TCF12: variants seen among roughly 807,000 people sequenced by gnomAD.
TCF12 encodes the protein DNA-binding protein HTF4.
In TCF12, 45 loss-of-function variants were observed where a neutral mutation model predicts 86.0. The observed-to-expected ratio is 0.52, with a 90% CI of 0.41 to 0.67. TCF12 has a LOEUF of 0.67. Among genes scored for constraint, TCF12 ranks in the 30% least tolerant of loss-of-function variants. TCF12 has a pLI of 0.00. For synonymous variants in TCF12, 330 were observed against 299.6 expected, an observed-to-expected ratio of 1.10 and a Z score of -1.05; for missense variants, 881 against 859.9, an observed-to-expected ratio of 1.02 and a Z score of -0.31.
intron 3 of TCF12, among the ~76,000 whole-genome samples, chr15:56,953,831 T>G (rs571758747): frequency 3.7e-3 from 279 of 75,318 alleles, no homozygotes; most frequent in African/African-American, 8.8e-3. Flanking sequence ...AGTTTATCAG[T>G]TTTTTTTTTT....
In TCF12 at chr15:57,044,502, G is replaced by A. The variant is rs936258487; in HGVS notation, c.149-19248G>A. 5.3e-5 allele frequency among the ~76,000 whole-genome samples: 8 copies of A among 152,200 alleles called. No individual in the cohort carries two copies. The East Asian group carries it at 5.8e-4, about 11-fold the overall frequency. ...TTTGTTTGTTAGAGAAATTTACAGG[G>A]CATATATTCTACCTGTTGAATGAAT... On this transcript the variant is annotated intron_variant, in intron 3 of 20. Coordinates refer to ENST00000333725, the MANE Select transcript of TCF12 (RefSeq NM_207037.2).
At chr15:57,232,078 C>T (rs781383305) in intron 9 of TCF12, among the ~76,000 whole-genome samples, 3 of 152,136 alleles carry the variant, frequency 2.0e-5, no homozygotes, top group Non-Finnish European at 4.4e-5. Flanking sequence ...CTGCCTATTA[C>T]AGCTTAGATT....
intron 6 of TCF12, among the ~76,000 whole-genome samples, chr15:57,181,214 C>A (rs1401875820): frequency 6.6e-6 from 1 of 151,972 alleles, no homozygotes; most frequent in African/African-American, 2.4e-5. Flanking sequence ...AAACCCAGTT[C>A]CGACAAAGTA....
chr15:57,150,620 A>G (rs1398856596), intron 5 of TCF12, among the ~76,000 whole-genome samples: 2 of 152,210 alleles, frequency 1.3e-5, no homozygotes, highest in African/African-American at 4.8e-5. Context: ...AATTACTAGC[A>G]TGAAAAGAAC....
intron 9 of TCF12, among the ~76,000 whole-genome samples, chr15:57,232,017 TACTATCTTCCTTGATATGA>T (rs2059160066): frequency 6.6e-6 from 1 of 152,234 alleles, no homozygotes; most frequent in Non-Finnish European, 1.5e-5. Context: ...TTGGAATTTT[TACTATCTTCCTTGATATGA>T]ATTGAGATCT....
At chr15:57,273,337 T>G in intron 19 of TCF12, 75 bp downstream of exon 19, 2 of 1,462,876 alleles carry the variant, frequency 1.4e-6, no homozygotes, top group South Asian at 2.4e-5. Flanking sequence ...GTTGCTCTTC[T>G]GCTTGGAGAA....
chr15:56,961,860 G>T (rs2140576634), intron 3 of TCF12, among the ~76,000 whole-genome samples: 1 of 152,150 alleles, frequency 6.6e-6, no homozygotes, highest in African/African-American at 2.4e-5. Context: ...TATGTTTAAT[G>T]GGCCGGGCGC....
intron 4 of TCF12, among the ~76,000 whole-genome samples, chr15:57,066,687 T>C (rs556265511): frequency 6.6e-6 from 1 of 152,318 alleles, no homozygotes; most frequent in South Asian, 2.1e-4. Context: ...AAACTTAACA[T>C]GAATTGAACT....
intron 3 of TCF12, among the ~76,000 whole-genome samples, chr15:56,943,232 A>AC (rs2060856614): frequency 6.6e-6 from 1 of 152,206 alleles, no homozygotes; most frequent in Non-Finnish European, 1.5e-5. Flanking sequence ...TATGTGAAGG[A>AC]CATTATTGAG....
At chr15:57,002,279 C>T (rs904820728) in intron 3 of TCF12, among the ~76,000 whole-genome samples, 4 of 152,166 alleles carry the variant, frequency 2.6e-5, no homozygotes, top group Admixed American at 2.0e-4. Context: ...ACAAACACTT[C>T]TTGCACATCT....
At chr15:57,096,815 TA>T (rs1303001204) in intron 5 of TCF12, among the ~76,000 whole-genome samples, 1 of 152,224 alleles carries the variant, frequency 6.6e-6, no homozygotes, top group African/African-American at 2.4e-5. Flanking sequence ...TAACTTATTT[TA>T]GGCATGTTAA....
intron 3 of TCF12, among the ~76,000 whole-genome samples, chr15:57,043,506 A>G (rs879129784): frequency 6.6e-6 from 1 of 152,134 alleles, no homozygotes; most frequent in East Asian, 1.9e-4. Context: ...GAGGATATGT[A>G]TCAGTCTCAC....
intron 3 of TCF12, among the ~76,000 whole-genome samples, chr15:56,932,342 C>T (rs1163781647): frequency 2.0e-5 from 3 of 152,260 alleles, no homozygotes; most frequent in Middle Eastern, 3.4e-3. Flanking sequence ...TATTGCCCCT[C>T]AGAAGTAGCA....
intron 8 of TCF12, among the ~76,000 whole-genome samples, chr15:57,223,326 C>T (rs2058689131): frequency 6.6e-6 from 1 of 151,872 alleles, no homozygotes; most frequent in African/African-American, 2.4e-5. Flanking sequence ...TCCTGACTAC[C>T]CATTTACATT....
At chr15:56,958,740 C>T (rs545299696) in intron 3 of TCF12, among the ~76,000 whole-genome samples, 14 of 149,578 alleles carry the variant, frequency 9.4e-5, no homozygotes, top group South Asian at 2.1e-4. Flanking sequence ...TGACAGGCAT[C>T]GTGGCTCATG....
intron 8 of TCF12, among the ~76,000 whole-genome samples, chr15:57,216,636 A>AT (rs1214471604): frequency 1.3e-5 from 2 of 151,596 alleles, no homozygotes; most frequent in African/African-American, 2.4e-5. Flanking sequence ...ATCTATATGC[A>AT]TTTTTTTCCT....
chr15:57,078,032 C>G (rs2070287384), intron 4 of TCF12, among the ~76,000 whole-genome samples: 2 of 152,276 alleles, frequency 1.3e-5, no homozygotes, highest in South Asian at 4.1e-4. Context: ...ATTCTTAACA[C>G]AGTGCTGGTA....
chr15:57,000,418 A>G (rs1446699151), intron 3 of TCF12, among the ~76,000 whole-genome samples: 3 of 152,154 alleles, frequency 2.0e-5, no homozygotes, highest in African/African-American at 7.2e-5. Context: ...GGGTCAATGA[A>G]GAAATCTCAA....
At chr15:57,184,829 G>A (rs1409529137) in intron 6 of TCF12, among the ~76,000 whole-genome samples, 3 of 152,054 alleles carry the variant, frequency 2.0e-5, no homozygotes, top group African/African-American at 4.8e-5. Flanking sequence ...TGATTCCTAG[G>A]TCATACTACT....
Sources: gnomAD v4.1 joint callset for allele counts (sites outside exome capture counted in the v4.1 genomes callset) on GRCh38, gnomAD v4.1.1 for gene constraint, MANE v1.5 for transcripts, NCBI Gene and HGNC (gene_info 2026-07-23, HGNC 2026-07-21) for gene names.